Variants in TNS3 observed in about 807,000 individuals in gnomAD.
TNS3 encodes tensin 3.
TNS3 carries 45 observed loss-of-function variants against 140.9 expected under a neutral mutation model. The ratio of observed to expected loss-of-function variants is 0.32; its 90% CI spans 0.25 to 0.41. TNS3 has a LOEUF of 0.41. Among genes scored for constraint, TNS3 ranks in the 10% least tolerant of loss-of-function variants. TNS3 has a pLI of 1.00. For synonymous variants in TNS3, 815 were observed against 788.4 expected (o/e 1.03, Z -0.56); for missense variants, 1,716 against 1,906.7 (o/e 0.90, Z 1.86).
chr7:47,409,415 G>A (rs991269445), intron 13 of TNS3, among the ~76,000 whole-genome samples: 1 of 152,088 alleles, frequency 6.6e-6, no homozygotes, highest in African/African-American at 2.4e-5. Flanking sequence ...CTTGGTGGGC[G>A]GTAGGGGGGA....
chr7:47,424,673 T>A (rs1056755896), intron 9 of TNS3, among the ~76,000 whole-genome samples: 12 of 152,268 alleles, frequency 7.9e-5, no homozygotes, highest in South Asian at 6.2e-4. Flanking sequence ...GACACCCCCA[T>A]GAAGTCCCAA....
At chr7:47,331,984 G>A (rs1181115955) in intron 20 of TNS3, among the ~76,000 whole-genome samples, 2 of 152,252 alleles carry the variant, frequency 1.3e-5, no homozygotes, top group Admixed American at 6.5e-5. Context: ...GCCCGGGCCA[G>A]TAACAAATGT....
intron 4 of TNS3, 26 bp downstream of exon 4, chr7:47,481,077 G>A: frequency 7.8e-7 from 1 of 1,289,332 alleles, no homozygotes. Context: ...TGGAACAAGG[G>A]AGCCAAAGAA....
intron 4 of TNS3, among the ~76,000 whole-genome samples, chr7:47,447,321 C>G (rs1326086872): frequency 6.6e-6 from 1 of 151,970 alleles, no homozygotes; most frequent in Non-Finnish European, 1.5e-5. Context: ...TTGCCCAGGA[C>G]AGAGCACTTC....
intron 3 of TNS3, among the ~76,000 whole-genome samples, chr7:47,483,955 G>A (rs534803294): frequency 1.3e-5 from 2 of 152,338 alleles, no homozygotes; most frequent in Admixed American, 6.5e-5. Context: ...CAGAGCTTAC[G>A]GCTCACGTAA....
intron 3 of TNS3, among the ~76,000 whole-genome samples, chr7:47,501,195 A>C (rs1249747534): frequency 4.8e-5 from 1 of 20,810 alleles, no homozygotes; most frequent in African/African-American, 2.0e-4. Context: ...GAAGGGAGGG[A>C]GGGAGGGAGG....
chr7:47,405,515 G>C (rs748721823), intron 13 of TNS3: 6 of 702,962 alleles, frequency 8.5e-6, no homozygotes, highest in Non-Finnish European at 1.6e-5. Context: ...TCTTCACTTG[G>C]AGCTGAAAAT....
chr7:47,529,336 G>A (rs972436015), intron 1 of TNS3, among the ~76,000 whole-genome samples, 189 bp from the exon 2 acceptor site: 1 of 152,186 alleles, frequency 6.6e-6, no homozygotes, highest in Admixed American at 6.5e-5. Flanking sequence ...CGGATACCAT[G>A]TTAGCATTCC....
At chr7:47,370,891 TC>T in intron 16 of TNS3, among the ~76,000 whole-genome samples, 1 of 152,326 alleles carries the variant, frequency 6.6e-6, no homozygotes, top group Middle Eastern at 3.4e-3. Flanking sequence ...AGCCCCGGGC[TC>T]CAGGTTGATG....
chr7:47,427,605 C>T (rs1794725494), intron 9 of TNS3, among the ~76,000 whole-genome samples: 1 of 152,188 alleles, frequency 6.6e-6, no homozygotes, highest in Non-Finnish European at 1.5e-5. Flanking sequence ...CTGCCCAGGG[C>T]CAGAAGGATG....
rs1395872347 is a variant in TNS3, at chr7:47,400,432, C to T, written c.880G>A (p.Val294Ile). The T allele has an allele frequency of 6.2e-7, 1 of 1,614,160 alleles. No individual in the cohort carries two copies. The highest frequency in any genetic ancestry group is 8.5e-7 in the Non-Finnish European group (1 of 1,180,020). The change falls in exon 15 of 31, where the codon GTT becomes ATT. Residue 294 changes from valine to isoleucine, a missense_variant. By Grantham distance (29) the Val-to-Ile change is conservative (BLOSUM62 3). Coordinates refer to ENST00000311160, the MANE Select transcript of TNS3 (RefSeq NM_022748.12). ...GGCGTGGCAGAGAAGACTAATTCAA[C>T]CTTCCCATAGTCAGGAAAACGGTCA... is the stretch of plus-strand genomic sequence containing the variant. ...KDDRFPDYGK[V>I]ELVFSATPEK...
chr7:47,369,027 T>A lies in TNS3; in HGVS notation c.1619A>T (p.Asp540Val). 6.2e-7 allele frequency: 1 copy of A among 1,613,974 alleles called. No individual in the cohort carries two copies. The highest frequency in any genetic ancestry group is 8.5e-7 in the Non-Finnish European group (1 of 1,180,028). ...GEDPQGTLVPDLGLGMDGPYE... is the reference protein window; with the variant it reads ...GEDPQGTLVPVLGLGMDGPYE... ...GGGGCCGTCCATGCCAAGGCCCAGGTCCGGAACGAGGGTGCCCTGCGGATC... is the reference window on the plus strand; with the variant it reads ...GGGGCCGTCCATGCCAAGGCCCAGGACCGGAACGAGGGTGCCCTGCGGATC... The change falls in exon 17 of 31, where the codon GAC becomes GTC. Residue 540 changes from aspartate (D) to valine (V), a missense_variant. Around this residue, in one of 3 missense-constraint regions of TNS3, gnomAD observed 1,163 missense variants for 1,182.1 expected, o/e 0.98. Transcript: ENST00000311160.
intron 10 of TNS3, among the ~76,000 whole-genome samples, chr7:47,422,603 ACT>A (rs770587681): frequency 2.5e-4 from 38 of 150,944 alleles, no homozygotes; most frequent in Non-Finnish European, 4.7e-4. Context: ...ACAGAGCAAC[ACT>A]CTGTTTCAAA....
chr7:47,293,018 T>G, intron 25 of TNS3, 113 bp from the exon 26 acceptor site: 1 of 815,698 alleles, frequency 1.2e-6, no homozygotes, highest in Non-Finnish European at 2.0e-6. Context: ...CTTATCTTTT[T>G]AGCAACTGGT....
At chr7:47,509,696 C>A in intron 2 of TNS3, among the ~76,000 whole-genome samples, 1 of 152,164 alleles carries the variant, frequency 6.6e-6, no homozygotes, top group Admixed American at 6.5e-5. Flanking sequence ...AGGAGACAGC[C>A]CCCTGCCTGC....
chr7:47,525,227 C>G (rs1022465571), intron 2 of TNS3, among the ~76,000 whole-genome samples: 6 of 152,098 alleles, frequency 3.9e-5, no homozygotes, highest in Non-Finnish European at 8.8e-5. Flanking sequence ...CTCTAGGTGT[C>G]TCGCTGCCTC....
intron 3 of TNS3, among the ~76,000 whole-genome samples, chr7:47,499,357 A>C (rs755275779): frequency 6.6e-6 from 1 of 152,264 alleles, no homozygotes; most frequent in Admixed American, 6.5e-5. Flanking sequence ...GGGATCTTAC[A>C]GGAAAAGGAA....
chr7:47,362,858 T>C (rs1269472437), intron 17 of TNS3, among the ~76,000 whole-genome samples: 2 of 149,798 alleles, frequency 1.3e-5, no homozygotes, highest in African/African-American at 5.0e-5. Context: ...ACCATCACCA[T>C]TACCACCATC....
In TNS3 at chr7:47,360,635, T is replaced by A. The variant is rs1790259484; in HGVS notation, c.2281+7730A>T. ...AGAATAAAGGTGACCCTGGGCTGAC[T>A]GAGACCATCCAGAGACAGCCCCCAA... On this transcript the variant is annotated intron_variant, in intron 17 of 30. Coordinates refer to ENST00000311160, the MANE Select transcript of TNS3 (RefSeq NM_022748.12). Among the ~76,000 whole-genome samples, 8 of 152,302 alleles carry A rather than the reference T, an allele frequency of 5.3e-5. No homozygotes were observed. The South Asian group carries it at 1.4e-3, about 28-fold the overall frequency.
Sources: allele counts gnomAD v4.1 joint callset (sites outside exome capture counted in the v4.1 genomes callset), GRCh38; gene constraint gnomAD v4.1.1; regional missense constraint gnomAD v4.1.1; transcripts MANE v1.5; gene names NCBI Gene and HGNC (gene_info 2026-07-23, HGNC 2026-07-21).